SMYD3: variants seen among roughly 807,000 people sequenced by gnomAD.
SMYD3 encodes SET and MYND domain containing 3.
In SMYD3, 36 loss-of-function variants were observed where a neutral mutation model predicts 57.7. The ratio of observed to expected loss-of-function variants is 0.62; its 90% CI spans 0.48 to 0.82. SMYD3 has a LOEUF of 0.82. Ranked by LOEUF, SMYD3 falls within the 40% of genes least tolerant of loss-of-function variation. The probability of loss-of-function intolerance (pLI) is 0.00; values close to 1 mark genes in which losing one functional copy is unlikely to be tolerated. For synonymous variants in SMYD3, 211 were observed against 195.0 expected, an observed-to-expected ratio of 1.08 and a Z score of -0.68; for missense variants, 515 against 538.8, an observed-to-expected ratio of 0.96 and a Z score of 0.44.
intron 5 of SMYD3, among the ~76,000 whole-genome samples, chr1:245,979,739 G>A (rs906475091): frequency 6.6e-6 from 1 of 152,030 alleles, no homozygotes; most frequent in Non-Finnish European, 1.5e-5. Context: ...TTTAAGAATC[G>A]AATACAGCAT....
intron 8 of SMYD3, among the ~76,000 whole-genome samples, chr1:245,900,520 C>A (rs777416044): frequency 6.6e-6 from 1 of 152,176 alleles, no homozygotes; most frequent in African/African-American, 2.4e-5. Flanking sequence ...TGGAGGAAGA[C>A]AGAAGGATTT....
Position 246,507,151 on chromosome 1 carries a change from G to A in SMYD3, c.67C>T (p.Pro23Ser), listed in dbSNP as rs751814335. The A allele has an allele frequency of 1.8e-5, 27 of 1,533,102 alleles. No individual in the cohort carries two copies. Among genetic ancestry groups the A allele is most frequent in the Middle Eastern group, 1.7e-4 (1 of 5,960 alleles). The allele number at this position is 1,533,102 out of a possible 1,614,324, so 95.0% of individuals were successfully genotyped here. The change falls in exon 1 of 12, where the codon CCG becomes TCG. Residue 23 changes from proline to serine, a missense_variant. Coordinates refer to ENST00000490107, the MANE Select transcript of SMYD3 (RefSeq NM_001167740.2). ...AAGAGTAGCTCTCCGGGGCGCAGCG[G>A]GGTCACGGCGCGCAGCCCGTTTCCC... Reference protein sequence around the residue: ...KRGNGLRAVTPLRPGELLFRS... With the variant: ...KRGNGLRAVTSLRPGELLFRS...
rs1435821394 is a variant in SMYD3 at position 246,203,874 on chromosome 1, C to T, written c.531+123327G>A. ...ACAACCCACTCCTAGTCCAGATCTTCCCCCTGTCCTATCTAGCTGCTTCCC... is the reference window on the plus strand; with the variant it reads ...ACAACCCACTCCTAGTCCAGATCTTTCCCCTGTCCTATCTAGCTGCTTCCC... On this transcript the variant is annotated intron_variant, in intron 5 of 11. Coordinates refer to ENST00000490107, the MANE Select transcript of SMYD3 (RefSeq NM_001167740.2). This position sits in a 1 kb window ranked among gnomAD's most constrained non-coding sequence, Gnocchi z 4.6. Among the ~76,000 whole-genome samples, 5 of 152,184 alleles carry T rather than the reference C, an allele frequency of 3.3e-5. No homozygotes were observed. In the South Asian group the frequency reaches 1.0e-3, roughly 32 times the overall value.
At chr1:246,170,123 T>G (rs2148240145) in intron 5 of SMYD3, among the ~76,000 whole-genome samples, 1 of 152,222 alleles carries the variant, frequency 6.6e-6, no homozygotes, top group East Asian at 1.9e-4. Flanking sequence ...ATAGTACAAC[T>G]TAAGAAAAAA....
chr1:246,137,476 C>T (rs1328478280), intron 5 of SMYD3, among the ~76,000 whole-genome samples: 5 of 152,142 alleles, frequency 3.3e-5, no homozygotes, highest in Admixed American at 6.5e-5. Flanking sequence ...CCACCTGATG[C>T]GACATTTTTA....
intron 10 of SMYD3, among the ~76,000 whole-genome samples, chr1:245,856,697 G>A (rs1452268311): frequency 6.6e-6 from 1 of 152,182 alleles, no homozygotes; most frequent in African/African-American, 2.4e-5. Context: ...TATGGATGTG[G>A]TGGACCCATG....
chr1:246,134,210 A>G (rs1558257695), intron 5 of SMYD3, among the ~76,000 whole-genome samples: 2 of 152,140 alleles, frequency 1.3e-5, no homozygotes, highest in Non-Finnish European at 2.9e-5. Context: ...GAAGTGGCCT[A>G]TGACTGACAT....
intron 1 of SMYD3, among the ~76,000 whole-genome samples, chr1:246,475,915 A>G (rs1192755714): frequency 6.6e-6 from 1 of 152,150 alleles, no homozygotes; most frequent in Non-Finnish European, 1.5e-5. Flanking sequence ...ACGTCCAGCC[A>G]AGTTTTTACT....
At chr1:246,063,787 A>G (rs897885511) in intron 5 of SMYD3, among the ~76,000 whole-genome samples, 2 of 151,854 alleles carry the variant, frequency 1.3e-5, no homozygotes, top group South Asian at 4.2e-4. Context: ...TTACAGGCGC[A>G]TGCCACCATG....
chr1:246,284,002 T>TA (rs756834360), intron 5 of SMYD3, among the ~76,000 whole-genome samples: 2 of 152,188 alleles, frequency 1.3e-5, no homozygotes, highest in Non-Finnish European at 2.9e-5. Context: ...TCAAACAAGG[T>TA]AAATTACTCA....
chr1:246,171,064 A>G lies in SMYD3; in HGVS notation c.531+156137T>C, dbSNP rs558797880. Among the ~76,000 whole-genome samples the G allele has an allele frequency of 2.6e-5, 4 of 152,136 alleles. No homozygotes were observed. In the South Asian group the frequency reaches 8.3e-4, roughly 32 times the overall value. The stretch of plus-strand genomic sequence containing the variant: ...CTGAGTATACTTTGTTTCTTTCAGT[A>G]CATGTTATGGTTCTCTATTCTAGTT... On this transcript the variant is annotated intron_variant, in intron 5 of 11. Transcript: ENST00000490107.
intron 1 of SMYD3, among the ~76,000 whole-genome samples, chr1:246,498,119 G>A (rs1377175250): frequency 6.6e-6 from 1 of 152,162 alleles, no homozygotes; most frequent in African/African-American, 2.4e-5. Flanking sequence ...TAGTGGGAAT[G>A]CAAAATGGTA....
At chr1:246,135,289 C>T (rs2148084440) in intron 5 of SMYD3, among the ~76,000 whole-genome samples, 1 of 152,186 alleles carries the variant, frequency 6.6e-6, no homozygotes, top group Non-Finnish European at 1.5e-5. Context: ...AGACACAGTA[C>T]CTGCGAACAC....
intron 10 of SMYD3, among the ~76,000 whole-genome samples, chr1:245,849,422 T>C (rs899683665): frequency 4.6e-5 from 7 of 151,956 alleles, no homozygotes; most frequent in Non-Finnish European, 8.8e-5. Flanking sequence ...CTTGAGGGGG[T>C]TTGGGGGGCA....
chr1:245,907,722 G>A (rs1290974876), intron 8 of SMYD3, among the ~76,000 whole-genome samples: 4 of 152,150 alleles, frequency 2.6e-5, no homozygotes, highest in Admixed American at 2.0e-4. Context: ...AACCATAACT[G>A]TAAATGGTTT....
intron 2 of SMYD3, among the ~76,000 whole-genome samples, chr1:246,349,180 G>C (rs1310099823): frequency 2.6e-5 from 4 of 151,912 alleles, no homozygotes; most frequent in Non-Finnish European, 5.9e-5. Context: ...AATAGGTGAA[G>C]GTAAAATAAA....
intron 5 of SMYD3, among the ~76,000 whole-genome samples, chr1:246,278,309 T>G (rs1011586914): frequency 6.6e-6 from 1 of 151,560 alleles, no homozygotes. Flanking sequence ...AGCTACCTCC[T>G]TGGGGTGTGC....
intron 5 of SMYD3, among the ~76,000 whole-genome samples, chr1:246,303,749 T>C (rs765318162): frequency 6.6e-6 from 1 of 152,168 alleles, no homozygotes; most frequent in Non-Finnish European, 1.5e-5. Flanking sequence ...GCTATTATTA[T>C]TGGATTCTAT....
At chr1:245,937,783 C>A (rs576602268) in intron 5 of SMYD3, among the ~76,000 whole-genome samples, 45 of 152,322 alleles carry the variant, frequency 3.0e-4, no homozygotes, top group African/African-American at 1.1e-3. Context: ...ACATTCTCTT[C>A]TATGATACTC....
Sources: gnomAD v4.1 joint callset for allele counts (sites outside exome capture counted in the v4.1 genomes callset) on GRCh38, gnomAD v4.1.1 for gene constraint, Gnocchi (gnomAD v3.1) non-coding constraint, MANE v1.5 for transcripts, NCBI Gene and HGNC (gene_info 2026-07-23, HGNC 2026-07-21) for gene names.